Variants in CDH13 observed in about 807,000 individuals in gnomAD.
The protein encoded by CDH13 is cadherin-13.
A neutral mutation model predicts 63.8 loss-of-function variants in CDH13; 24 were observed. That is an observed-to-expected ratio of 0.38 (90% CI 0.27 to 0.53). CDH13 has a LOEUF of 0.53. CDH13 is among the 20% of genes least tolerant of loss of function. The pLI, the probability that CDH13 is intolerant of heterozygous loss-of-function variation, is 0.85. For missense variants in CDH13, 1,049 were observed against 903.1 expected (o/e 1.16, Z -2.07); for synonymous variants, 503 against 355.3 (o/e 1.42, Z -4.67).
intron 7 of CDH13, among the ~76,000 whole-genome samples, chr16:83,523,537 C>A (rs1030085003): frequency 6.6e-6 from 1 of 152,202 alleles, no homozygotes; most frequent in Admixed American, 6.5e-5. Context: ...CAGTGCCCCC[C>A]ACACCAGGAC....
chr16:83,287,598 C>A (rs2089351117), intron 5 of CDH13, among the ~76,000 whole-genome samples: 1 of 152,156 alleles, frequency 6.6e-6, no homozygotes, highest in Non-Finnish European at 1.5e-5. Context: ...TCCCATCACC[C>A]CCGGATGGGT....
chr16:83,284,297 A>G (rs138555360), intron 5 of CDH13, among the ~76,000 whole-genome samples: 214 of 152,320 alleles, frequency 1.4e-3, no homozygotes, highest in South Asian at 4.4e-3. Flanking sequence ...TTGGTACTAG[A>G]TGGCGCTGGA....
chr16:83,161,105 C>A (rs2037425323), intron 4 of CDH13, among the ~76,000 whole-genome samples: 1 of 152,176 alleles, frequency 6.6e-6, no homozygotes, highest in South Asian at 2.1e-4. Flanking sequence ...GCAACCCTTC[C>A]TGAAAGCTTT....
rs556766607 is a variant in CDH13, at chr16:83,256,558, A to G, written c.636+39061A>G. Among the ~76,000 whole-genome samples the G allele has an allele frequency of 1.3e-4, 20 of 151,674 alleles. No homozygotes were observed. The East Asian group carries it at 1.9e-3, about 15-fold the overall frequency. On this transcript the variant is annotated intron_variant, in intron 5 of 13. Transcript: ENST00000567109. ...CTCAAGAAGTTTCCAGTGGCCAGGC[A>G]CGGTGGCTCACGCCTGTAATCCCAG...
At chr16:82,968,970 A>G (rs1908287627) in intron 2 of CDH13, among the ~76,000 whole-genome samples, 1 of 152,128 alleles carries the variant, frequency 6.6e-6, no homozygotes, top group Admixed American at 6.5e-5. Context: ...ATATACAAAA[A>G]TTAGTTGGGC....
intron 7 of CDH13, among the ~76,000 whole-genome samples, chr16:83,536,533 C>A (rs117011628): frequency 1.3e-5 from 2 of 151,200 alleles, no homozygotes; most frequent in Non-Finnish European, 3.0e-5. Flanking sequence ...GCTGGAGAGG[C>A]CACCAAGAGC....
At chr16:83,050,638 C>T (rs1015518512) in intron 3 of CDH13, among the ~76,000 whole-genome samples, 1 of 152,168 alleles carries the variant, frequency 6.6e-6, no homozygotes, top group African/African-American at 2.4e-5. Flanking sequence ...AAGATCTCTT[C>T]TTCAGCATGT....
chr16:83,487,608 G>T (rs1227704119), intron 7 of CDH13, among the ~76,000 whole-genome samples: 1 of 152,078 alleles, frequency 6.6e-6, no homozygotes, highest in Non-Finnish European at 1.5e-5. Flanking sequence ...AAACCAACTC[G>T]TGGATTCCTA....
At chr16:82,913,242 A>G (rs1267565800) in intron 2 of CDH13, among the ~76,000 whole-genome samples, 1 of 152,158 alleles carries the variant, frequency 6.6e-6, no homozygotes, top group Non-Finnish European at 1.5e-5. Flanking sequence ...TCCAAAGGGC[A>G]GGTAGCAGGT....
At chr16:82,829,751 TATTA>T (rs1311536478) in intron 1 of CDH13, 5 of 152,196 alleles carry the variant, frequency 3.3e-5, no homozygotes, top group African/African-American at 1.2e-4. Context: ...ACTTTATAAA[TATTA>T]ATTAATCTTC....
intron 5 of CDH13, among the ~76,000 whole-genome samples, chr16:83,239,881 G>A (rs1358499885): frequency 6.6e-6 from 1 of 152,160 alleles, no homozygotes; most frequent in Non-Finnish European, 1.5e-5. Context: ...CAGGGGAGCT[G>A]GAGGAGGTGC....
At chr16:83,511,911 G>T (rs1223071484) in intron 7 of CDH13, among the ~76,000 whole-genome samples, 2 of 152,078 alleles carry the variant, frequency 1.3e-5, no homozygotes, top group African/African-American at 2.4e-5. Context: ...TCATACCCTC[G>T]AAAGGGGCTC....
intron 10 of CDH13, among the ~76,000 whole-genome samples, chr16:83,747,482 ACT>A (rs1912699402): frequency 6.6e-6 from 1 of 150,454 alleles, no homozygotes; most frequent in South Asian, 2.1e-4. Flanking sequence ...GTCTATTAAA[ACT>A]CTTTCTTTTG....
rs553438310 is a variant in CDH13, at chr16:83,574,722, G to C, written c.961-27732G>C. Among the ~76,000 whole-genome samples the C allele has an allele frequency of 2.0e-3, 309 of 152,208 alleles. 1 individual carries two copies. The highest frequency in any genetic ancestry group is 5.9e-3 in the African/African-American group (244 of 41,518). ...TGGTAGCTTCGCGAATCACGACCAAGTCATACCAGGCCCTGTTAAGATTCC... is the reference window on the plus strand; with the variant it reads ...TGGTAGCTTCGCGAATCACGACCAACTCATACCAGGCCCTGTTAAGATTCC... On this transcript the variant is annotated intron_variant, in intron 7 of 13. Coordinates refer to ENST00000567109, the MANE Select transcript of CDH13 (RefSeq NM_001257.5).
intron 3 of CDH13, among the ~76,000 whole-genome samples, chr16:83,074,663 A>G (rs1396740193): frequency 6.6e-6 from 1 of 152,098 alleles, no homozygotes; most frequent in East Asian, 1.9e-4. Context: ...AGCATCTGTT[A>G]TTTTTTGCAA....
At chr16:83,302,826 A>G (rs1325140417) in intron 5 of CDH13, among the ~76,000 whole-genome samples, 3 of 152,242 alleles carry the variant, frequency 2.0e-5, no homozygotes, top group Non-Finnish European at 4.4e-5. Context: ...AGGTTGCTTT[A>G]GCTTCATGTG....
rs532112469 is a variant in CDH13, at chr16:83,742,428, A to AT, written c.1539-5670dup. The stretch of plus-strand genomic sequence containing the variant: ...TGAAATGAGCTCAGCTTTTAATTTG[A>AT]TTTTTTTTTTCCTGTAACAAGCAAA... On this transcript the variant is annotated intron_variant, in intron 10 of 13. Transcript: ENST00000567109. Among the ~76,000 whole-genome samples the AT allele has an allele frequency of 1.6e-3, 239 of 150,634 alleles. 2 individuals carry two copies. Among genetic ancestry groups the AT allele is most frequent in the African/African-American group, 4.9e-3 (201 of 41,062 alleles).
chr16:83,435,259 G>T (rs1463766692), intron 6 of CDH13, among the ~76,000 whole-genome samples: 1 of 152,072 alleles, frequency 6.6e-6, no homozygotes, highest in Non-Finnish European at 1.5e-5. Context: ...GGCCAGGCTT[G>T]TCTCAAACTC....
At chr16:83,321,152 G>A (rs1437377785) in intron 5 of CDH13, among the ~76,000 whole-genome samples, 1 of 152,212 alleles carries the variant, frequency 6.6e-6, no homozygotes, top group African/African-American at 2.4e-5. Context: ...AAACTAGTTT[G>A]TGCTAAGACT....
Sources: gnomAD v4.1 joint callset for allele counts (sites outside exome capture counted in the v4.1 genomes callset) on GRCh38, gnomAD v4.1.1 for gene constraint, MANE v1.5 for transcripts, NCBI Gene and HGNC (gene_info 2026-07-23, HGNC 2026-07-21) for gene names.